GJB7: variants seen among roughly 807,000 people sequenced by gnomAD.
The protein encoded by GJB7 is gap junction protein beta 7.
For missense variants in GJB7, 253 were observed against 256.8 expected, an observed-to-expected ratio of 0.99 and a Z score of 0.10; for synonymous variants, 87 against 95.2, an observed-to-expected ratio of 0.91 and a Z score of 0.50.
At chr6:87,319,062 A>G (rs1402818128) in intron 2 of GJB7, among the ~76,000 whole-genome samples, 1 of 152,224 alleles carries the variant, frequency 6.6e-6, no homozygotes, top group Non-Finnish European at 1.5e-5. Flanking sequence ...ACCCCAGATT[A>G]AAATAGATAT....
intron 2 of GJB7, among the ~76,000 whole-genome samples, chr6:87,294,085 A>G (rs1346350283): frequency 6.6e-6 from 1 of 152,214 alleles, no homozygotes; most frequent in East Asian, 1.9e-4. Flanking sequence ...ATGACCACAG[A>G]AAGAGTGGAG....
intron 1 of GJB7, among the ~76,000 whole-genome samples, chr6:87,326,331 C>T (rs916865942): frequency 1.3e-5 from 2 of 152,072 alleles, no homozygotes; most frequent in Non-Finnish European, 2.9e-5. Context: ...TTTGCTCTTG[C>T]TTTTCTAGTT....
intron 2 of GJB7, among the ~76,000 whole-genome samples, chr6:87,313,143 G>T (rs1325007916): frequency 6.6e-6 from 1 of 152,152 alleles, no homozygotes; most frequent in Non-Finnish European, 1.5e-5. Context: ...AAATAATCCT[G>T]CCTGTGTGTC....
At chr6:87,299,783 T>G (rs1283530539) in intron 2 of GJB7, 1 of 163,698 alleles carries the variant, frequency 6.1e-6, no homozygotes, top group African/African-American at 2.4e-5. Flanking sequence ...TTAGAAAAAG[T>G]TGGAGAGGTC....
intron 2 of GJB7, among the ~76,000 whole-genome samples, chr6:87,290,717 A>C (rs1776155636): frequency 6.6e-6 from 1 of 152,154 alleles, no homozygotes; most frequent in Non-Finnish European, 1.5e-5. Flanking sequence ...CCAGTCCACC[A>C]CCTGTTTTGT....
intron 2 of GJB7, among the ~76,000 whole-genome samples, chr6:87,290,360 A>G (rs1215900987): frequency 1.3e-5 from 2 of 152,128 alleles, no homozygotes; most frequent in African/African-American, 4.8e-5. Context: ...ATTTCCTCCC[A>G]GGGGCATCTT....
chr6:87,287,445 G>A (rs939116284), intron 2 of GJB7, among the ~76,000 whole-genome samples: 1 of 152,168 alleles, frequency 6.6e-6, no homozygotes, highest in Non-Finnish European at 1.5e-5. Context: ...CCAGAGCCCT[G>A]AGAAGGCAAA....
At chr6:87,299,227 G>C in intron 2 of GJB7, 3 of 454,824 alleles carry the variant, frequency 6.6e-6, no homozygotes, top group Non-Finnish European at 1.3e-5. Flanking sequence ...TTAAGAAGCT[G>C]TCTGAACCAT....
At chr6:87,327,529 G>C (rs1446310151) in intron 1 of GJB7, among the ~76,000 whole-genome samples, 9 of 149,704 alleles carry the variant, frequency 6.0e-5, no homozygotes, top group African/African-American at 2.2e-4. Context: ...AGTTTGGCTG[G>C]ATATGAAATT....
At chr6:87,319,528 T>A (rs543401846) in intron 2 of GJB7, among the ~76,000 whole-genome samples, 1 of 152,372 alleles carries the variant, frequency 6.6e-6, no homozygotes, top group South Asian at 2.1e-4. Flanking sequence ...CTGCTTAGGA[T>A]GCAACATAAT....
intron 2 of GJB7, among the ~76,000 whole-genome samples, chr6:87,320,475 A>C (rs1191665608): frequency 6.6e-6 from 1 of 152,196 alleles, no homozygotes; most frequent in Non-Finnish European, 1.5e-5. Context: ...TGTAAACCAG[A>C]AAGTCTATGA....
At chr6:87,323,661 A>C (rs2127914002) in intron 1 of GJB7, among the ~76,000 whole-genome samples, 1 of 151,950 alleles carries the variant, frequency 6.6e-6, no homozygotes, top group East Asian at 1.9e-4. Flanking sequence ...CATTTTCTTA[A>C]TCCAGTCTAT....
Position 87,283,014 on chromosome 6 carries a change from A to G in GJB7, c.*1227T>C, listed in dbSNP as rs1289218339. 1 of 152,252 alleles carries G rather than the reference A, an allele frequency of 6.6e-6. No homozygotes were observed. 9.4% of individuals were successfully genotyped at this position (152,252 alleles called of 1,614,324 possible). On this transcript the variant is annotated 3_prime_UTR_variant, in exon 3 of 3. Transcript: ENST00000525899. Reference sequence around the variant, plus strand: ...ATACCCTTATTTTTATTCTGAAGAAATGTACATATGTTAAAGTACTAAATC... The same window carrying G: ...ATACCCTTATTTTTATTCTGAAGAAGTGTACATATGTTAAAGTACTAAATC...
chr6:87,287,905 T>A (rs76350186), intron 2 of GJB7, among the ~76,000 whole-genome samples: 12,797 of 152,146 alleles, frequency 0.084, 913 homozygotes, highest in African/African-American at 0.19. Context: ...CCTATTTTTT[T>A]AAAAAAATTT....
chr6:87,293,240 A>G (rs1776205877), intron 2 of GJB7, among the ~76,000 whole-genome samples: 2 of 152,132 alleles, frequency 1.3e-5, no homozygotes, highest in Non-Finnish European at 2.9e-5. Flanking sequence ...CCTGTTGACC[A>G]GGATGGTCTC....
Position 87,322,177 on chromosome 6 carries a change from A to T in GJB7, c.-28+689T>A, listed in dbSNP as rs150919720. On this transcript the variant is annotated intron_variant, in intron 2 of 2. Transcript: ENST00000525899. ...ACTCTCAAGGCCCTAACGTAATGGC[A>T]GAGTATTAACTCTACACTTAAATGA... is the stretch of plus-strand genomic sequence containing the variant. 3 of 152,344 alleles carry T rather than the reference A, an allele frequency of 2.0e-5. No homozygotes were observed. In the East Asian group the frequency reaches 5.8e-4, roughly 29 times the overall value. The allele number at this position is 152,344 out of a possible 1,614,324, so 9.4% of individuals were successfully genotyped here.
At chr6:87,310,106 G>C (rs1318568801) in intron 2 of GJB7, among the ~76,000 whole-genome samples, 1 of 151,574 alleles carries the variant, frequency 6.6e-6, no homozygotes, top group African/African-American at 2.4e-5. Flanking sequence ...AATCCATATG[G>C]AAAAAAAATT....
At chr6:87,312,020 T>TCCC (rs1776517930) in intron 2 of GJB7, among the ~76,000 whole-genome samples, 3 of 152,072 alleles carry the variant, frequency 2.0e-5, no homozygotes, top group South Asian at 4.1e-4. Context: ...AAAAAGTCAG[T>TCCC]TCCCAGGGGA....
intron 2 of GJB7, among the ~76,000 whole-genome samples, chr6:87,286,871 A>G (rs1776069883): frequency 6.6e-6 from 1 of 152,242 alleles, no homozygotes; most frequent in African/African-American, 2.4e-5. Flanking sequence ...CAAGGTCACA[A>G]AGTAAGATGC....
Sources: allele counts gnomAD v4.1 joint callset (sites outside exome capture counted in the v4.1 genomes callset), GRCh38; gene constraint gnomAD v4.1.1; transcripts MANE v1.5; gene names NCBI Gene and HGNC (gene_info 2026-07-23, HGNC 2026-07-21).